AVEN: variants seen among roughly 807,000 people sequenced by gnomAD.
AVEN encodes cell death regulator Aven.
In AVEN, 41 loss-of-function variants were observed where a neutral mutation model predicts 38.1. The ratio of observed to expected loss-of-function variants is 1.08; its 90% CI spans 0.84 to 1.40. AVEN has a LOEUF of 1.40. Among genes scored for constraint, AVEN ranks in the 40% most tolerant of loss-of-function variants. The pLI is 0.00. For missense variants in AVEN, 605 were observed against 438.8 expected (o/e 1.38, Z -3.38); for synonymous variants, 206 against 171.8 (o/e 1.20, Z -1.56).
chr15:34,001,494 A>C (rs1351887666), intron 2 of AVEN, among the ~76,000 whole-genome samples: 1 of 152,196 alleles, frequency 6.6e-6, no homozygotes, highest in African/African-American at 2.4e-5. Context: ...AGCTGTTGAG[A>C]ATTAAAACTA....
rs114694205 is a variant in AVEN at position 33,860,680 on chromosome 15, A to C, written n.2730-1586T>G. ...TGGAGGTAATGTTACTCTAACTACT[A>C]ATCCCAGCTCTATTTTAATATCCCC... is the stretch of plus-strand genomic sequence containing the variant. On this transcript the variant is annotated intron_variant and non_coding_transcript_variant, in intron 11 of 11. Transcript: ENST00000675287. 1.6e-3 allele frequency: 2,379 copies of C among 1,514,744 alleles called. 25 individuals carry two copies. In the African/African-American group the frequency reaches 0.025, roughly 16 times the overall value. 93.8% of individuals were successfully genotyped at this position (1,514,744 alleles called of 1,614,324 possible).
chr15:34,038,729 C>T (rs988748324), intron 1 of AVEN, 51 bp downstream of exon 1: 103 of 1,133,692 alleles, frequency 9.1e-5, no homozygotes, highest in Middle Eastern at 3.7e-4. Context: ...GCCTCGGCCC[C>T]ACTTGCCCCA....
At chr15:33,865,048 G>T, downstream of AVEN, 1 of 983,600 alleles carries the variant, frequency 1.0e-6, no homozygotes, top group Non-Finnish European at 1.6e-6. Context: ...CTTCCTAAAG[G>T]GAGCCACAAA....
chr15:34,034,272 G>A (rs1899007875), intron 1 of AVEN, among the ~76,000 whole-genome samples: 1 of 151,998 alleles, frequency 6.6e-6, no homozygotes. Context: ...GTGAGACCAT[G>A]TCTACAAAAT....
chr15:34,024,846 G>A (rs1210460899), intron 1 of AVEN, among the ~76,000 whole-genome samples: 1 of 142,862 alleles, frequency 7.0e-6, no homozygotes, highest in Non-Finnish European at 1.5e-5. Flanking sequence ...GGGCGACAAA[G>A]CAAGACTCCT....
At chr15:34,061,050 C>T (rs1262421437) in intron 5 of AVEN, among the ~76,000 whole-genome samples, 1 of 151,048 alleles carries the variant, frequency 6.6e-6, no homozygotes, top group African/African-American at 2.4e-5. Flanking sequence ...TTTCCCTTTA[C>T]CGCCCATTAT....
At position 34,063,039 on chromosome 15, in the gene AVEN, G is replaced by A; in HGVS notation, n.1520C>T. The A allele has an allele frequency of 1.9e-6, 3 of 1,614,232 alleles. No individual in the cohort carries two copies. The highest frequency in any genetic ancestry group is 2.5e-6 in the Non-Finnish European group (3 of 1,180,046). On this transcript the variant is annotated non_coding_transcript_exon_variant, in exon 5 of 12. Transcript: ENST00000675287. The surrounding 1 kb of genome is among the most constrained non-coding windows in gnomAD (Gnocchi z 4.1). The stretch of plus-strand genomic sequence containing the variant: ...GAGTCTGGCTTGTGACCTTTGGCTT[G>A]CACTGGACTACGTGGCCAGCAACGC...
chr15:34,064,425 A>G, intron 4 of AVEN: 2 of 1,340,610 alleles, frequency 1.5e-6, no homozygotes, highest in Non-Finnish European at 2.0e-6. Context: ...TCTCATTTTG[A>G]GTCCTTGAAG....
intron 5 of AVEN, among the ~76,000 whole-genome samples, chr15:34,047,652 C>T (rs538547492): frequency 3.9e-4 from 59 of 152,296 alleles, no homozygotes; most frequent in Admixed American, 3.3e-3. Flanking sequence ...TTCTAGCTTG[C>T]GGCTTTGGAG....
intron 1 of AVEN, among the ~76,000 whole-genome samples, chr15:34,015,268 G>A (rs1273481074): frequency 6.6e-6 from 1 of 152,144 alleles, no homozygotes; most frequent in Non-Finnish European, 1.5e-5. Flanking sequence ...CGGGTCACGA[G>A]GTCAGGAGAT....
intron 5 of AVEN, among the ~76,000 whole-genome samples, chr15:34,058,484 G>A (rs529958323): frequency 6.6e-6 from 1 of 151,652 alleles, no homozygotes; most frequent in African/African-American, 2.4e-5. Flanking sequence ...GAGAGAGAGA[G>A]CCAATTTCCC....
intron 2 of AVEN, among the ~76,000 whole-genome samples, chr15:33,977,380 C>T (rs1002636134): frequency 1.3e-5 from 2 of 152,146 alleles, no homozygotes; most frequent in African/African-American, 4.8e-5. Context: ...AAATCCTCCC[C>T]TTATCATCTC....
chr15:34,034,072 A>G (rs943933369), intron 1 of AVEN, among the ~76,000 whole-genome samples: 1 of 152,226 alleles, frequency 6.6e-6, no homozygotes, highest in Non-Finnish European at 1.5e-5. Context: ...GGCATGAGCC[A>G]CTGCGCCCAG....
intron 2 of AVEN, among the ~76,000 whole-genome samples, chr15:33,961,645 C>T (rs1350397715): frequency 1.3e-5 from 2 of 151,384 alleles, no homozygotes; most frequent in Admixed American, 6.6e-5. Context: ...AACCCCGTCT[C>T]TACTAAAAAC....
chr15:34,070,206 G>T (rs911286353), intron 2 of AVEN, among the ~76,000 whole-genome samples: 3 of 152,072 alleles, frequency 2.0e-5, no homozygotes, highest in African/African-American at 7.2e-5. Flanking sequence ...GAACAGCACG[G>T]GGGAAACCGC....
chr15:33,961,541 A>T (rs8029738), intron 2 of AVEN, among the ~76,000 whole-genome samples: 22,151 of 151,948 alleles, frequency 0.15, 4,395 homozygotes, highest in African/African-American at 0.45. Context: ...GCACTGGGTG[A>T]GGTGGCTCAT....
chr15:33,972,660 GAAACAAAAAT>G (rs1161357255), intron 2 of AVEN: 1 of 152,120 alleles, frequency 6.6e-6, no homozygotes, highest in Non-Finnish European at 1.5e-5. Flanking sequence ...TTCAATTAAG[GAAACAAAAAT>G]GAAAGCTCCT....
intron 4 of AVEN, 85 bp downstream of exon 4, chr15:33,870,848 CTG>C (rs1380991747): frequency 1.0e-4 from 91 of 913,914 alleles, no homozygotes; most frequent in Non-Finnish European, 1.5e-4. Context: ...GAAGCTGACA[CTG>C]AGACATCCTG....
chr15:33,872,137 A>G (rs1890992715), intron 3 of AVEN, among the ~76,000 whole-genome samples: 1 of 152,046 alleles, frequency 6.6e-6, no homozygotes, highest in Admixed American at 6.6e-5. Context: ...GTGTAAAGAG[A>G]AAGGAGACAC....
Sources: allele counts gnomAD v4.1 joint callset (sites outside exome capture counted in the v4.1 genomes callset), GRCh38; gene constraint gnomAD v4.1.1; non-coding constraint Gnocchi (gnomAD v3.1); transcripts MANE v1.5; gene names NCBI Gene and HGNC (gene_info 2026-07-23, HGNC 2026-07-21).